PGM2L1: variants seen among roughly 807,000 people sequenced by gnomAD.
PGM2L1 encodes phosphoglucomutase 2 like 1.
A neutral mutation model predicts 73.4 loss-of-function variants in PGM2L1; 35 were observed. The ratio of observed to expected loss-of-function variants is 0.48; its 90% CI spans 0.36 to 0.63. The LOEUF is 0.63. Among genes scored for constraint, PGM2L1 ranks in the 30% least tolerant of loss-of-function variants. The pLI is 0.00. For synonymous variants in PGM2L1, 225 were observed against 253.8 expected (o/e 0.89, Z 1.08); for missense variants, 570 against 742.0 (o/e 0.77, Z 2.69).
At chr11:74,382,115 G>A (rs1565445070) in intron 1 of PGM2L1, among the ~76,000 whole-genome samples, 1 of 152,194 alleles carries the variant, frequency 6.6e-6, no homozygotes, top group Non-Finnish European at 1.5e-5. Flanking sequence ...TAAGCCTAGT[G>A]CTGGAGAATG....
chr11:74,362,692 G>C (rs550899647), intron 5 of PGM2L1, among the ~76,000 whole-genome samples: 5 of 152,282 alleles, frequency 3.3e-5, no homozygotes, highest in African/African-American at 1.2e-4. Flanking sequence ...TAAAGGGATG[G>C]AGGAAGATCT....
chr11:74,381,112 C>T (rs1447645413), intron 1 of PGM2L1, among the ~76,000 whole-genome samples: 1 of 152,150 alleles, frequency 6.6e-6, no homozygotes, highest in African/African-American at 2.4e-5. Context: ...ACTAAGTATA[C>T]TAAGTTCAAG....
intron 6 of PGM2L1, among the ~76,000 whole-genome samples, chr11:74,350,600 G>T (rs1398065481): frequency 6.6e-6 from 1 of 152,088 alleles, no homozygotes; most frequent in Non-Finnish European, 1.5e-5. Flanking sequence ...CTCTAGGCTG[G>T]GCATGGTGGC....
chr11:74,358,057 C>T (rs1263758192), intron 5 of PGM2L1, among the ~76,000 whole-genome samples: 9 of 152,192 alleles, frequency 5.9e-5, no homozygotes, highest in Non-Finnish European at 1.3e-4. Context: ...ATTCCGGAGG[C>T]AGTAAAAATA....
At chr11:74,389,033 C>T (rs1235118423) in intron 1 of PGM2L1, among the ~76,000 whole-genome samples, 1 of 152,106 alleles carries the variant, frequency 6.6e-6, no homozygotes, top group Non-Finnish European at 1.5e-5. Context: ...TGAGACAAGC[C>T]AATTGTGCTG....
intron 5 of PGM2L1, among the ~76,000 whole-genome samples, chr11:74,361,726 A>T (rs575681280): frequency 6.6e-6 from 1 of 152,354 alleles, no homozygotes; most frequent in African/African-American, 2.4e-5. Flanking sequence ...GCTGAAAACC[A>T]TGTCATGAGA....
intron 1 of PGM2L1, among the ~76,000 whole-genome samples, chr11:74,379,024 C>T (rs73554619): frequency 0.083 from 12,584 of 152,032 alleles, 1,729 homozygotes; most frequent in African/African-American, 0.29. Context: ...TCAAGTTTGC[C>T]AATGAGAAGT....
At position 74,343,281 on chromosome 11, in the gene PGM2L1, A is replaced by T. The variant is rs1726500314; in HGVS notation, c.1312+42T>A. 4 of 1,534,078 alleles carry T rather than the reference A, an allele frequency of 2.6e-6. No individual in the cohort carries two copies. In the African/African-American group the frequency reaches 5.7e-5, roughly 22 times the overall value. On this transcript the variant is annotated intron_variant, in intron 10 of 13. Transcript: ENST00000298198. The stretch of plus-strand genomic sequence containing the variant: ...CCTCCTACAGAATTACATTTTAAAA[A>T]TTATCAATCAAATTTTGAAGATTTT...
At chr11:74,342,293 A>G (rs1253128659) in intron 12 of PGM2L1, among the ~76,000 whole-genome samples, 168 bp downstream of exon 12, 1 of 152,114 alleles carries the variant, frequency 6.6e-6, no homozygotes, top group Admixed American at 6.5e-5. Context: ...ACATTGCCCT[A>G]TACATCTCTT....
At chr11:74,396,217 G>A (rs986960339) in intron 1 of PGM2L1, among the ~76,000 whole-genome samples, 1 of 151,102 alleles carries the variant, frequency 6.6e-6, no homozygotes, top group African/African-American at 2.4e-5. Flanking sequence ...GCAGTGAGCG[G>A]AGATCGCGCC....
intron 1 of PGM2L1, among the ~76,000 whole-genome samples, chr11:74,385,965 AAT>A (rs959024699): frequency 3.6e-4 from 55 of 152,206 alleles, no homozygotes; most frequent in African/African-American, 1.3e-3. Context: ...CATTATTCAA[AAT>A]AGTTTTTAAA....
At chr11:74,379,658 T>TTC in intron 1 of PGM2L1, among the ~76,000 whole-genome samples, 1 of 152,122 alleles carries the variant, frequency 6.6e-6, no homozygotes, top group Non-Finnish European at 1.5e-5. Context: ...GCGCGGTGGC[T>TTC]TATGCTTGTA....
At chr11:74,348,776 T>C (rs1268554713) in intron 6 of PGM2L1, among the ~76,000 whole-genome samples, 1 of 152,216 alleles carries the variant, frequency 6.6e-6, no homozygotes, top group East Asian at 1.9e-4. Context: ...GTATCTCCAG[T>C]ATGTAGACTG....
intron 6 of PGM2L1, among the ~76,000 whole-genome samples, chr11:74,351,007 CTCTAA>C (rs1300095606): frequency 2.0e-5 from 3 of 152,184 alleles, no homozygotes; most frequent in Non-Finnish European, 4.4e-5. Flanking sequence ...CACAAGAAAC[CTCTAA>C]TCTATTTCTG....
At chr11:74,374,648 G>GA in intron 1 of PGM2L1, 66 bp from the exon 2 acceptor site, 1 of 1,398,560 alleles carries the variant, frequency 7.2e-7, no homozygotes, top group Non-Finnish European at 9.9e-7. Context: ...AAGCCCTTCT[G>GA]AGGGGTCAAT....
chr11:74,394,722 T>G (rs1863148215), intron 1 of PGM2L1, among the ~76,000 whole-genome samples: 1 of 152,228 alleles, frequency 6.6e-6, no homozygotes, highest in Admixed American at 6.5e-5. Context: ...CAAGTCTAAT[T>G]TTAACTAATT....
At chr11:74,383,824 A>ATATATATATATATATATATATATATAT (rs1862982924) in intron 1 of PGM2L1, among the ~76,000 whole-genome samples, 8 of 121,838 alleles carry the variant, frequency 6.6e-5, no homozygotes, top group East Asian at 4.2e-4. Context: ...TATATAAATA[A>ATATATATATATATATATATATATATAT]ATATATATAT....
At chr11:74,344,521 C>T (rs929876504) in intron 9 of PGM2L1, among the ~76,000 whole-genome samples, 1 of 152,024 alleles carries the variant, frequency 6.6e-6, no homozygotes, top group Non-Finnish European at 1.5e-5. Flanking sequence ...TGTGATACAC[C>T]CTAATACTAA....
chr11:74,394,857 T>TA (rs1863150779), intron 1 of PGM2L1, among the ~76,000 whole-genome samples: 1 of 152,158 alleles, frequency 6.6e-6, no homozygotes, highest in African/African-American at 2.4e-5. Context: ...ATTTAAAACT[T>TA]ATTATATGCC....
Sources: gnomAD v4.1 joint callset for allele counts (sites outside exome capture counted in the v4.1 genomes callset) on GRCh38, gnomAD v4.1.1 for gene constraint, MANE v1.5 for transcripts, NCBI Gene and HGNC (gene_info 2026-07-23, HGNC 2026-07-21) for gene names.